Variants in CNTN1 observed in about 807,000 individuals in gnomAD.
CNTN1 encodes the protein contactin 1, also known as contactin-1.
CNTN1 carries 38 observed loss-of-function variants against 126.4 expected under a neutral mutation model. The ratio of observed to expected loss-of-function variants is 0.30; its 90% CI spans 0.23 to 0.39. The LOEUF (loss-of-function observed/expected upper bound fraction) is 0.39. Ranked by LOEUF, CNTN1 falls within the 10% of genes least tolerant of loss-of-function variation. CNTN1 has a pLI of 1.00. For missense variants in CNTN1, 1,009 were observed against 1,248.4 expected (o/e 0.81, Z 2.89); for synonymous variants, 413 against 422.6 (o/e 0.98, Z 0.28).
chr12:40,710,234 T>A (rs1286019185), intron 1 of CNTN1, among the ~76,000 whole-genome samples: 1 of 152,086 alleles, frequency 6.6e-6, no homozygotes, highest in African/African-American at 2.4e-5. Flanking sequence ...ATTTCAATAT[T>A]GTTGTCTCAA....
At chr12:41,022,661 T>C (rs1948946409) in intron 20 of CNTN1, among the ~76,000 whole-genome samples, 1 of 152,216 alleles carries the variant, frequency 6.6e-6, no homozygotes, top group Non-Finnish European at 1.5e-5. Flanking sequence ...ATAACACGTC[T>C]TGAGTTCTTA....
intron 1 of CNTN1, among the ~76,000 whole-genome samples, chr12:40,827,855 T>A (rs985812134): frequency 2.6e-5 from 4 of 152,094 alleles, no homozygotes; most frequent in Admixed American, 2.0e-4. Flanking sequence ...GGAAGAGCAT[T>A]GAAGATTTTA....
chr12:40,810,735 GA>G (rs1310911925), intron 1 of CNTN1, among the ~76,000 whole-genome samples: 1 of 151,998 alleles, frequency 6.6e-6, no homozygotes, highest in Non-Finnish European at 1.5e-5. Flanking sequence ...TTTAAAAATT[GA>G]GCTGGAATAG....
chr12:41,059,400 A>T (rs913431447), intron 23 of CNTN1, among the ~76,000 whole-genome samples: 1 of 152,182 alleles, frequency 6.6e-6, no homozygotes, highest in African/African-American at 2.4e-5. Flanking sequence ...TGTCATTGCT[A>T]TTGAGGCTTT....
rs533340121 is a variant in CNTN1, at chr12:40,848,332, AT to A, written c.-76-60024del. On this transcript the variant is annotated intron_variant, in intron 1 of 23. Transcript: ENST00000551295. Reference sequence around the variant, plus strand: ...TAAGTCAAAATTCCTATAGTGTTTAATGTTAGCAAAAATGGTACTGTGCTCT... The same window carrying A: ...TAAGTCAAAATTCCTATAGTGTTTAAGTTAGCAAAAATGGTACTGTGCTCT... 2.0e-5 allele frequency among the ~76,000 whole-genome samples: 3 copies of A among 152,318 alleles called. No individual in the cohort carries two copies. The South Asian group carries it at 6.2e-4, about 32-fold the overall frequency.
chr12:41,061,657 C>T (rs1949940958), intron 23 of CNTN1: 1 of 326,364 alleles, frequency 3.1e-6, no homozygotes, highest in African/African-American at 2.2e-5. Flanking sequence ...TTTTATGGCT[C>T]AATGCTTGAT....
rs1947008574 is a variant in CNTN1, at chr12:40,959,105, T to C, written c.1684-9T>C. The C allele has an allele frequency of 6.2e-7, 1 of 1,612,030 alleles. No individual in the cohort carries two copies. Among genetic ancestry groups the C allele is most frequent in the Non-Finnish European group, 8.5e-7 (1 of 1,178,782 alleles). On this transcript the variant is annotated splice_polypyrimidine_tract_variant and intron_variant, in intron 14 of 23. Transcript: ENST00000551295. ...TACTGATTTGAATAATTGCTGTTTT[T>C]GCTAACAGCTGGATTCCAATGGGGA...
chr12:41,037,819 TTGCC>T (rs1949300130), intron 23 of CNTN1, among the ~76,000 whole-genome samples: 1 of 152,118 alleles, frequency 6.6e-6, no homozygotes. Context: ...TTCTATTTAT[TTGCC>T]TGGCTGGTGA....
At chr12:40,797,939 A>G (rs1940505144) in intron 1 of CNTN1, among the ~76,000 whole-genome samples, 1 of 152,040 alleles carries the variant, frequency 6.6e-6, no homozygotes, top group Non-Finnish European at 1.5e-5. Context: ...CAAGAGTTCA[A>G]TTGTGATTGC....
rs1393285536 is a variant in CNTN1 at position 40,920,312 on chromosome 12, C to T, written c.227+1541C>T. Among the ~76,000 whole-genome samples the T allele has an allele frequency of 2.0e-5, 3 of 148,632 alleles. No individual in the cohort carries two copies. The South Asian group carries it at 6.6e-4, about 33-fold the overall frequency. The stretch of plus-strand genomic sequence containing the variant: ...TCTCCTTGCTGCCCCCATGCCCCCA[C>T]CCCACAGGCACAATAAAAAGCAAAG... On this transcript the variant is annotated intron_variant, in intron 4 of 23. Coordinates refer to ENST00000551295, the MANE Select transcript of CNTN1 (RefSeq NM_001843.4).
At chr12:40,831,358 T>C (rs984484282) in intron 1 of CNTN1, among the ~76,000 whole-genome samples, 1 of 151,888 alleles carries the variant, frequency 6.6e-6, no homozygotes, top group Non-Finnish European at 1.5e-5. Flanking sequence ...AATCAGAGCT[T>C]ATGTTTAGAC....
intron 1 of CNTN1, among the ~76,000 whole-genome samples, chr12:40,744,703 C>A (rs79581957): frequency 6.6e-6 from 1 of 151,988 alleles, no homozygotes; most frequent in African/African-American, 2.4e-5. Context: ...TCAGGTTGAA[C>A]GTGTGGATTA....
chr12:40,993,906 G>T (rs947837979), intron 17 of CNTN1, among the ~76,000 whole-genome samples: 1 of 152,074 alleles, frequency 6.6e-6, no homozygotes, highest in Non-Finnish European at 1.5e-5. Context: ...AGTATTCAGA[G>T]TCCAGAGTGT....
intron 23 of CNTN1, chr12:41,061,839 T>G (rs779555971): frequency 6.6e-6 from 3 of 455,630 alleles, no homozygotes; most frequent in South Asian, 4.7e-5. Context: ...AGCCCAAATA[T>G]TCTCTGTTGC....
intron 16 of CNTN1, among the ~76,000 whole-genome samples, chr12:40,984,865 G>T (rs1189987297): frequency 6.6e-6 from 1 of 151,842 alleles, no homozygotes; most frequent in Non-Finnish European, 1.5e-5. Context: ...ACATATGTGT[G>T]AATATATATA....
chr12:40,902,552 C>T (rs1408971502), intron 1 of CNTN1, among the ~76,000 whole-genome samples: 9 of 152,008 alleles, frequency 5.9e-5, no homozygotes, highest in Admixed American at 5.2e-4. Context: ...GATAAAGGCA[C>T]ATTTTTTTGT....
chr12:40,925,578 C>T (rs558762013), intron 6 of CNTN1, among the ~76,000 whole-genome samples: 18 of 100,566 alleles, frequency 1.8e-4, no homozygotes, highest in South Asian at 5.8e-4. Context: ...TACGTATATA[C>T]GTATATATAC....
chr12:40,843,228 T>G (rs1179992023), intron 1 of CNTN1, among the ~76,000 whole-genome samples: 1 of 152,192 alleles, frequency 6.6e-6, no homozygotes, highest in Non-Finnish European at 1.5e-5. Context: ...TTTACAAATA[T>G]TATGTTGTAA....
intron 1 of CNTN1, chr12:40,828,018 G>A (rs1164049393): frequency 1.3e-5 from 2 of 152,064 alleles, no homozygotes; most frequent in Non-Finnish European, 2.9e-5. Flanking sequence ...CGGGCCAGCC[G>A]AATTTGGAAG....
Sources: allele counts gnomAD v4.1 joint callset (sites outside exome capture counted in the v4.1 genomes callset), GRCh38; gene constraint gnomAD v4.1.1; transcripts MANE v1.5; gene names NCBI Gene and HGNC (gene_info 2026-07-23, HGNC 2026-07-21).